Variants in CDH13 observed in about 807,000 individuals in gnomAD.
CDH13 encodes the protein cadherin-13.
Under a neutral mutation model 63.8 loss-of-function variants are expected in CDH13, and 24 were observed. The observed-to-expected ratio is 0.38, with a 90% confidence interval of 0.27 to 0.53. CDH13 has a LOEUF of 0.53. CDH13 is among the 20% of genes least tolerant of loss of function. CDH13 has a pLI of 0.85. For synonymous variants in CDH13, 503 were observed against 355.3 expected (o/e 1.42, Z -4.67); for missense variants, 1,049 against 903.1 (o/e 1.16, Z -2.07).
intron 1 of CDH13, among the ~76,000 whole-genome samples, chr16:82,749,102 C>G (rs1036442791): frequency 6.6e-6 from 1 of 150,582 alleles, no homozygotes; most frequent in African/African-American, 2.5e-5. Context: ...ATTTTTTTTT[C>G]AAATGGACAC....
chr16:83,581,609 C>A (rs11149580), intron 7 of CDH13, among the ~76,000 whole-genome samples: 1 of 151,936 alleles, frequency 6.6e-6, no homozygotes, highest in Non-Finnish European at 1.5e-5. Context: ...TTTGAGTCCA[C>A]GAGTTTGAGA....
intron 5 of CDH13, among the ~76,000 whole-genome samples, chr16:83,224,534 T>C (rs1345849973): frequency 6.6e-6 from 1 of 152,316 alleles, no homozygotes; most frequent in Non-Finnish European, 1.5e-5. Context: ...ATAACACACA[T>C]GTGACCTAGG....
At chr16:83,227,883 C>G (rs1004041778) in intron 5 of CDH13, among the ~76,000 whole-genome samples, 1 of 152,202 alleles carries the variant, frequency 6.6e-6, no homozygotes, top group African/African-American at 2.4e-5. Context: ...CACTATTTCA[C>G]AGTGCTGGGG....
At chr16:82,631,914 T>G (rs1157455368) in intron 1 of CDH13, among the ~76,000 whole-genome samples, 1 of 152,160 alleles carries the variant, frequency 6.6e-6, no homozygotes, top group Non-Finnish European at 1.5e-5. Context: ...GGAACTCATC[T>G]ATCCCAAACC....
At chr16:82,966,277 T>G (rs1041493012) in intron 2 of CDH13, among the ~76,000 whole-genome samples, 3 of 152,154 alleles carry the variant, frequency 2.0e-5, no homozygotes, top group African/African-American at 7.2e-5. Flanking sequence ...GCCTCCCGAG[T>G]AGCTGGGACT....
chr16:82,684,293 C>T (rs1210191026), intron 1 of CDH13, among the ~76,000 whole-genome samples: 3 of 152,222 alleles, frequency 2.0e-5, no homozygotes, highest in South Asian at 4.1e-4. Flanking sequence ...ATAAGGGTTT[C>T]CTTGATTACC....
At chr16:83,139,611 G>T (rs2036444307) in intron 4 of CDH13, among the ~76,000 whole-genome samples, 1 of 151,926 alleles carries the variant, frequency 6.6e-6, no homozygotes, top group Non-Finnish European at 1.5e-5. Context: ...AAATACATCT[G>T]TTTTTTCCTT....
At chr16:82,850,203 C>A (rs1401140419) in intron 1 of CDH13, among the ~76,000 whole-genome samples, 2 of 148,670 alleles carry the variant, frequency 1.3e-5, no homozygotes, top group Non-Finnish European at 3.0e-5. Flanking sequence ...TTCTAGATGC[C>A]CACTAAGAAC....
intron 8 of CDH13, among the ~76,000 whole-genome samples, chr16:83,626,402 T>C (rs1046821176): frequency 2.0e-5 from 3 of 152,072 alleles, no homozygotes; most frequent in African/African-American, 7.2e-5. Flanking sequence ...TGAAAGTGCT[T>C]AGGATGTAGT....
At chr16:83,762,615 T>C (rs560644911) in intron 11 of CDH13, among the ~76,000 whole-genome samples, 4 of 152,262 alleles carry the variant, frequency 2.6e-5, no homozygotes, top group African/African-American at 7.2e-5. Flanking sequence ...CGATTTCTCG[T>C]AAGGGTTCTG....
At chr16:83,748,326 G>C in intron 11 of CDH13, 76 bp downstream of exon 11, 2 of 1,369,996 alleles carry the variant, frequency 1.5e-6, no homozygotes, top group Non-Finnish European at 2.0e-6. Flanking sequence ...AATTTCTTCT[G>C]ATACACCCAG....
rs994754654 is a variant in CDH13, at chr16:83,191,382, C to T, written c.484-25963C>T. 3.4e-5 allele frequency among the ~76,000 whole-genome samples: 5 copies of T among 146,242 alleles called. No homozygotes were observed. In the East Asian group the frequency reaches 1.0e-3, roughly 29 times the overall value. On this transcript the variant is annotated intron_variant, in intron 4 of 13. Coordinates refer to ENST00000567109, the MANE Select transcript of CDH13 (RefSeq NM_001257.5). ...CTGTAAAGGGAGGATAATAGAGCCA[C>T]TCATCATCAAATAAATTAGAGTTTA...
chr16:82,811,209 G>T (rs2037427139), intron 1 of CDH13, among the ~76,000 whole-genome samples: 1 of 152,116 alleles, frequency 6.6e-6, no homozygotes, highest in Admixed American at 6.6e-5. Context: ...TTCTTACTCA[G>T]TGATGCCAAA....
chr16:83,155,925 C>T (rs1381960058), intron 4 of CDH13, among the ~76,000 whole-genome samples: 1 of 152,178 alleles, frequency 6.6e-6, no homozygotes, highest in East Asian at 1.9e-4. Flanking sequence ...ACCCCAATTG[C>T]CAGTGACCCT....
chr16:83,552,324 C>G (rs1305701623), intron 7 of CDH13, among the ~76,000 whole-genome samples: 8 of 152,116 alleles, frequency 5.3e-5, no homozygotes, highest in African/African-American at 1.9e-4. Flanking sequence ...ATGTCTAAAG[C>G]CATTATCTTA....
intron 5 of CDH13, among the ~76,000 whole-genome samples, chr16:83,298,175 C>T (rs951936046): frequency 6.6e-6 from 1 of 151,684 alleles, no homozygotes; most frequent in East Asian, 1.9e-4. Flanking sequence ...CCCAAGAGGT[C>T]GAGGCTGTAG....
chr16:82,985,116 T>C (rs923690952), intron 2 of CDH13, among the ~76,000 whole-genome samples: 1 of 152,218 alleles, frequency 6.6e-6, no homozygotes, highest in East Asian at 1.9e-4. Flanking sequence ...TAGTAGTTGC[T>C]GTATTTCTCA....
intron 5 of CDH13, among the ~76,000 whole-genome samples, chr16:83,267,715 T>C (rs1042851665): frequency 6.6e-6 from 1 of 152,226 alleles, no homozygotes; most frequent in African/African-American, 2.4e-5. Flanking sequence ...AGGCCTCGCC[T>C]GTTGTGGCCC....
chr16:82,763,622 G>C (rs1471631152), intron 1 of CDH13, among the ~76,000 whole-genome samples: 2 of 152,210 alleles, frequency 1.3e-5, no homozygotes, highest in Non-Finnish European at 2.9e-5. Context: ...GTGAATACAT[G>C]AGTTGATATC....
Sources: allele counts gnomAD v4.1 joint callset (sites outside exome capture counted in the v4.1 genomes callset), GRCh38; gene constraint gnomAD v4.1.1; transcripts MANE v1.5; gene names NCBI Gene and HGNC (gene_info 2026-07-23, HGNC 2026-07-21).